Variants in AGAP1 observed in about 807,000 individuals in gnomAD.
The protein encoded by AGAP1 is ArfGAP with GTPase domain, ankyrin repeat and PH domain 1.
AGAP1 carries 29 observed loss-of-function variants against 105.3 expected under a neutral mutation model. The ratio of observed to expected loss-of-function variants is 0.28; its 90% CI spans 0.21 to 0.38. The LOEUF is 0.38. Ranked by LOEUF, AGAP1 falls within the 10% of genes least tolerant of loss-of-function variation. The pLI is 1.00. For synonymous variants in AGAP1, 509 were observed against 485.9 expected, an observed-to-expected ratio of 1.05 and a Z score of -0.63; for missense variants, 998 against 1,165.1, an observed-to-expected ratio of 0.86 and a Z score of 2.09.
intron 1 of AGAP1, among the ~76,000 whole-genome samples, chr2:235,594,740 T>G (rs573277923): frequency 2.6e-5 from 4 of 152,062 alleles, no homozygotes; most frequent in African/African-American, 7.2e-5. Context: ...CCCAGCTAAA[T>G]TTTTTGTATT....
At chr2:235,929,550 G>A (rs1480819373) in intron 11 of AGAP1, among the ~76,000 whole-genome samples, 1 of 151,924 alleles carries the variant, frequency 6.6e-6, no homozygotes, top group Non-Finnish European at 1.5e-5. Context: ...CAAACGCCTC[G>A]TCGTTTGTTA....
At position 235,945,306 on chromosome 2, in the gene AGAP1, G is replaced by A. The variant is rs189557772; in HGVS notation, c.1483+14383G>A. Among the ~76,000 whole-genome samples the A allele has an allele frequency of 3.5e-3, 533 of 152,112 alleles. 2 individuals carry two copies. The highest frequency in any genetic ancestry group is 0.012 in the African/African-American group (481 of 41,498). ...TAGTAGAGTTGGGGGGGGGTTCACC[G>A]TGTTAGCCAGGATGGTCTCGATCTC... is the stretch of plus-strand genomic sequence containing the variant. On this transcript the variant is annotated intron_variant, in intron 12 of 17. Coordinates refer to ENST00000304032, the MANE Select transcript of AGAP1 (RefSeq NM_001037131.3).
chr2:235,955,217 A>C (rs967816983), intron 12 of AGAP1, among the ~76,000 whole-genome samples: 6 of 152,136 alleles, frequency 3.9e-5, no homozygotes, highest in Admixed American at 6.5e-5. Flanking sequence ...TTCATGGAGC[A>C]CTGTGCAGTT....
chr2:235,511,272 C>G (rs986353868), intron 1 of AGAP1, among the ~76,000 whole-genome samples: 1 of 152,084 alleles, frequency 6.6e-6, no homozygotes, highest in African/African-American at 2.4e-5. Flanking sequence ...GTGCACGATT[C>G]TGTTTCGGTG....
chr2:235,918,792 G>T (rs1445522587), intron 11 of AGAP1, among the ~76,000 whole-genome samples: 2 of 152,108 alleles, frequency 1.3e-5, no homozygotes, highest in Admixed American at 1.3e-4. Context: ...GTAGCTCTCT[G>T]TGGTCCTGAG....
chr2:235,560,776 G>T (rs1944122675), intron 1 of AGAP1, among the ~76,000 whole-genome samples: 1 of 152,208 alleles, frequency 6.6e-6, no homozygotes, highest in Non-Finnish European at 1.5e-5. Flanking sequence ...CCTCAGAACT[G>T]TCAGACAGTG....
At chr2:235,995,211 C>CAT (rs927350337) in intron 13 of AGAP1, among the ~76,000 whole-genome samples, 7 of 151,738 alleles carry the variant, frequency 4.6e-5, no homozygotes, top group African/African-American at 1.7e-4. Context: ...ACCACCCTCC[C>CAT]ATAGTGAAAA....
chr2:235,968,997 C>T (rs1285531361), intron 13 of AGAP1, among the ~76,000 whole-genome samples: 2 of 152,182 alleles, frequency 1.3e-5, no homozygotes, highest in Non-Finnish European at 2.9e-5. Flanking sequence ...ACAGTGCCCA[C>T]TTCTAGTTTA....
In AGAP1 at chr2:235,824,274, G is replaced by A. The variant is rs549895851; in HGVS notation, c.1050+16943G>A. The stretch of plus-strand genomic sequence containing the variant: ...ATACAGAAATCCTCTAAGTGTATTC[G>A]AAAGCAGTTGTTTGTAATTGGAGTA... On this transcript the variant is annotated intron_variant, in intron 9 of 17. Coordinates refer to ENST00000304032, the MANE Select transcript of AGAP1 (RefSeq NM_001037131.3). The surrounding 1 kb of genome is among the most constrained non-coding windows in gnomAD (Gnocchi z 5.2). 2.8e-4 allele frequency among the ~76,000 whole-genome samples: 43 copies of A among 152,304 alleles called. No individual in the cohort carries two copies. Among genetic ancestry groups the A allele is most frequent in the Admixed American group, 8.5e-4 (13 of 15,306 alleles).
intron 1 of AGAP1, among the ~76,000 whole-genome samples, chr2:235,646,004 C>CT (rs1947371016): frequency 2.0e-5 from 3 of 152,078 alleles, no homozygotes; most frequent in African/African-American, 7.2e-5. Context: ...TGGGCGGGCG[C>CT]AGTGGTTCAC....
At chr2:235,851,566 T>TCC (rs1401925329) in intron 9 of AGAP1, among the ~76,000 whole-genome samples, 4 of 151,980 alleles carry the variant, frequency 2.6e-5, no homozygotes, top group Admixed American at 1.3e-4. Flanking sequence ...CTTGGGTATC[T>TCC]CCCCCCTTGG....
chr2:235,797,877 C>T lies in AGAP1; in HGVS notation c.792C>T (p.His264=), dbSNP rs1575492576. 1.9e-6 allele frequency: 3 copies of T among 1,614,168 alleles called. No homozygotes were observed. In the East Asian group the frequency reaches 6.7e-5, roughly 36 times the overall value. Residue 264 remains histidine, a synonymous_variant, in exon 7 of 18, where the codon CAC becomes CAT. Coordinates refer to ENST00000304032, the MANE Select transcript of AGAP1 (RefSeq NM_001037131.3). The part of the protein sequence containing the change: ...SVCSAQVSAV[H]ISQTSNGGGS... ...GTTCCGCGCAGGTGTCTGCCGTGCACATCAGCCAGGTACGTTAGGTGACAT... is the reference window on the plus strand; with the variant it reads ...GTTCCGCGCAGGTGTCTGCCGTGCATATCAGCCAGGTACGTTAGGTGACAT...
intron 1 of AGAP1, among the ~76,000 whole-genome samples, chr2:235,698,049 G>A (rs1457395810): frequency 6.6e-6 from 1 of 152,118 alleles, no homozygotes; most frequent in Non-Finnish European, 1.5e-5. Flanking sequence ...AGGGACCCAG[G>A]GGTCGAGGGA....
In AGAP1 at chr2:235,691,523, T is replaced by G. The variant is rs1949735016; in HGVS notation, c.164-17656T>G. On this transcript the variant is annotated intron_variant, in intron 1 of 17. Coordinates refer to ENST00000304032, the MANE Select transcript of AGAP1 (RefSeq NM_001037131.3). This position sits in a 1 kb window ranked among gnomAD's most constrained non-coding sequence, Gnocchi z 4.4. ...TCTGTGACTGGTCGTGAGTCCCTCT[T>G]CCTCCACACAGCAACACTGGTTCTA... Among the ~76,000 whole-genome samples the G allele has an allele frequency of 2.0e-5, 3 of 152,230 alleles. No homozygotes were observed. The South Asian group carries it at 6.2e-4, about 32-fold the overall frequency.
chr2:235,583,319 A>G (rs1212954275), intron 1 of AGAP1, among the ~76,000 whole-genome samples: 1 of 148,150 alleles, frequency 6.7e-6, no homozygotes, highest in Admixed American at 6.7e-5. Flanking sequence ...TCAGCCTCTC[A>G]TGTAACTCTG....
In AGAP1 at chr2:235,732,349, C is replaced by G. The variant is rs1952000336; in HGVS notation, c.311-8614C>G. 6.6e-6 allele frequency among the ~76,000 whole-genome samples: 1 copy of G among 152,154 alleles called. No individual in the cohort carries two copies. The highest frequency in any genetic ancestry group is 6.5e-5 in the Admixed American group (1 of 15,274). On this transcript the variant is annotated intron_variant, in intron 3 of 17. Coordinates refer to ENST00000304032, the MANE Select transcript of AGAP1 (RefSeq NM_001037131.3). This position sits in a 1 kb window ranked among gnomAD's most constrained non-coding sequence, Gnocchi z 4.8. ...TCAGCCTTGTCTCTTCTGCTCCTTA[C>G]TTTTTCTAATTTTATTCATCAGTTC...
chr2:235,850,995 C>T (rs1174080786), intron 9 of AGAP1, among the ~76,000 whole-genome samples: 4 of 152,220 alleles, frequency 2.6e-5, no homozygotes, highest in African/African-American at 7.2e-5. Flanking sequence ...TACACAGCCT[C>T]CCTGCACAAC....
chr2:235,720,802 A>AG lies in AGAP1; in HGVS notation c.310+3162dup, dbSNP rs1344057878. On this transcript the variant is annotated intron_variant, in intron 3 of 17. Coordinates refer to ENST00000304032, the MANE Select transcript of AGAP1 (RefSeq NM_001037131.3). The surrounding 1 kb of genome is among the most constrained non-coding windows in gnomAD (Gnocchi z 5.0). ...TGAGGGTGAGGGCCTTCCTGTCTTC[A>AG]GGGGAGAGCTCTCTCGTGGTAGAAA... 4 of 733,538 alleles carry AG rather than the reference A, an allele frequency of 5.5e-6. No individual in the cohort carries two copies. The highest frequency in any genetic ancestry group is 6.3e-5 in the Admixed American group (1 of 15,932). The allele number at this position is 733,538 out of a possible 1,614,324, so 45.4% of individuals were successfully genotyped here.
Position 235,875,427 on chromosome 2 carries a change from G to A in AGAP1, c.1051-7918G>A, listed in dbSNP as rs543682322. Reference sequence around the variant, plus strand: ...CCCAGCGGACCGGCCTTCCTCACTCGATGATTGTCAGGGCTGAGAACCCAG... The same window carrying A: ...CCCAGCGGACCGGCCTTCCTCACTCAATGATTGTCAGGGCTGAGAACCCAG... On this transcript the variant is annotated intron_variant, in intron 9 of 17. Coordinates refer to ENST00000304032, the MANE Select transcript of AGAP1 (RefSeq NM_001037131.3). This position sits in a 1 kb window ranked among gnomAD's most constrained non-coding sequence, Gnocchi z 4.0. Among the ~76,000 whole-genome samples the A allele has an allele frequency of 9.2e-5, 14 of 152,280 alleles. No individual in the cohort carries two copies. Among genetic ancestry groups the A allele is most frequent in the African/African-American group, 2.4e-4 (10 of 41,568 alleles).
Sources: gnomAD v4.1 joint callset for allele counts (sites outside exome capture counted in the v4.1 genomes callset) on GRCh38, gnomAD v4.1.1 for gene constraint, Gnocchi (gnomAD v3.1) non-coding constraint, MANE v1.5 for transcripts, NCBI Gene and HGNC (gene_info 2026-07-23, HGNC 2026-07-21) for gene names.